Variants in ARHGAP27 observed in about 807,000 individuals in gnomAD.
ARHGAP27 encodes the protein rho GTPase-activating protein 27.
ARHGAP27 carries 53 observed loss-of-function variants against 102.0 expected under a neutral mutation model. The ratio of observed to expected loss-of-function variants is 0.52; its 90% CI spans 0.42 to 0.65. The LOEUF is 0.65. Among genes scored for constraint, ARHGAP27 ranks in the 30% least tolerant of loss-of-function variants. The probability of loss-of-function intolerance (pLI) is 0.00; values close to 1 mark genes in which losing one functional copy is unlikely to be tolerated. For missense variants in ARHGAP27, 1,117 were observed against 1,256.2 expected (o/e 0.89, Z 1.68); for synonymous variants, 525 against 542.8 (o/e 0.97, Z 0.46).
Position 45,395,421 on chromosome 17 carries a change from G to A in ARHGAP27, c.*35C>T. 1 of 1,532,326 alleles carries A rather than the reference G, an allele frequency of 6.5e-7. No homozygotes were observed. Among genetic ancestry groups the A allele is most frequent in the Non-Finnish European group, 8.8e-7 (1 of 1,135,560 alleles). The allele number at this position is 1,532,326 out of a possible 1,614,324, so 94.9% of individuals were successfully genotyped here. The stretch of plus-strand genomic sequence containing the variant: ...CCTCCGCCGCCCAGCTTGTGTGGCA[G>A]GACCGCGGCCGCCGCCCCAGTCACA... On this transcript the variant is annotated 3_prime_UTR_variant, in exon 20 of 20. Transcript: ENST00000685559.
chr17:45,396,376 G>T, intron 16 of ARHGAP27, 92 bp from the exon 17 acceptor site: 1 of 1,473,514 alleles, frequency 6.8e-7, no homozygotes. Context: ...GGGGCCTCCC[G>T]TACTTTCCCC....
chr17:45,409,824 C>A (rs1300191671), intron 4 of ARHGAP27: 1 of 173,626 alleles, frequency 5.8e-6, no homozygotes, highest in East Asian at 1.7e-4. Flanking sequence ...CATGGAGGCC[C>A]AGACAAGACC....
In ARHGAP27 at chr17:45,395,761, G is replaced by A. The variant is rs374713712; in HGVS notation, c.2475C>T (p.Leu825=). ...CGGCTCACCGGCAGAGGTGCTGGAA[G>A]AGCATCCGCAGAGTGTCGTGGTTGG... ...PAPNHDTLRM[L]FQHLCRVIEH... Residue 825 remains leucine (L), a synonymous_variant, in exon 19 of 20, where the codon CTC becomes CTT. Transcript: ENST00000685559. 1.3e-6 allele frequency: 2 copies of A among 1,599,656 alleles called. No individual in the cohort carries two copies. The highest frequency in any genetic ancestry group is 8.5e-7 in the Non-Finnish European group (1 of 1,176,184).
In ARHGAP27 at chr17:45,430,087, G is replaced by T; in HGVS notation, c.193C>A (p.Arg65Ser). ...GGGTTGCCCAGCGCGGGCAGCTCGCGCACGTACTGCGCAGGCAGGTAGAAG... is the reference window on the plus strand; with the variant it reads ...GGGTTGCCCAGCGCGGGCAGCTCGCTCACGTACTGCGCAGGCAGGTAGAAG... ...RPFYLPAQYV[R>S]ELPALGNPAA... Residue 65 changes from arginine (R) to serine (S), a missense_variant, in exon 4 of 20, where the codon CGC (arginine) becomes AGC (serine). Physicochemically the swap from Arg to Ser is moderately radical, Grantham distance 110 (BLOSUM62 -1). This residue lies in a region of ARHGAP27 where 610 missense variants were observed against 716.4 expected (regional missense o/e 0.85). Coordinates refer to ENST00000685559, the MANE Select transcript of ARHGAP27 (RefSeq NM_001282290.2). The surrounding 1 kb of genome is among the most constrained non-coding windows in gnomAD (Gnocchi z 4.4). The T allele has an allele frequency of 1.4e-6, 2 of 1,469,150 alleles. No homozygotes were observed. Among genetic ancestry groups the T allele is most frequent in the Non-Finnish European group, 1.8e-6 (2 of 1,120,616 alleles). The allele number at this position is 1,469,150 out of a possible 1,614,324, so 91.0% of individuals were successfully genotyped here.
At position 45,404,109 on chromosome 17, in the gene ARHGAP27, A is replaced by C; in HGVS notation, c.1480-13T>G. ...CCAAGGTCTTGGTCTAAGAGAGAGA[A>C]GAGAGAGCAGGCGCAAGAGTGTGTA... On this transcript the variant is annotated splice_polypyrimidine_tract_variant and intron_variant, in intron 9 of 19. Coordinates refer to ENST00000685559, the MANE Select transcript of ARHGAP27 (RefSeq NM_001282290.2). 1 of 1,613,982 alleles carries C rather than the reference A, an allele frequency of 6.2e-7. No homozygotes were observed. Among genetic ancestry groups the C allele is most frequent in the Non-Finnish European group, 8.5e-7 (1 of 1,179,916 alleles).
In ARHGAP27 at chr17:45,396,736, T is replaced by TGCCGGACCTTGC. The variant is rs1453136017; in HGVS notation, c.1994_2005dup (p.Arg668_His669insArgLysValArg). 4 of 1,613,798 alleles carry TGCCGGACCTTGC rather than the reference T, an allele frequency of 2.5e-6. No homozygotes were observed. Among genetic ancestry groups the TGCCGGACCTTGC allele is most frequent in the Non-Finnish European group, 3.4e-6 (4 of 1,179,780 alleles). ...CCTCTGGAGGAACTTGCGGAGCTTG[T>TGCCGGACCTTGC]GCCGGACCTTGCTCAAGTCGCTCTC... On this transcript the variant is annotated inframe_insertion, in exon 15 of 20. Coordinates refer to ENST00000685559, the MANE Select transcript of ARHGAP27 (RefSeq NM_001282290.2).
intron 4 of ARHGAP27, among the ~76,000 whole-genome samples, chr17:45,424,092 G>A (rs2049308804): frequency 6.6e-6 from 1 of 152,112 alleles, no homozygotes; most frequent in Admixed American, 6.5e-5. Context: ...CCTGGGCAGG[G>A]GCCCCTGCCC....
At chr17:45,404,143 G>T in intron 9 of ARHGAP27, 47 bp from the exon 10 acceptor site, 1 of 1,611,454 alleles carries the variant, frequency 6.2e-7, no homozygotes, top group South Asian at 1.1e-5. Flanking sequence ...TAGTTAAGGG[G>T]TGAGCTATGG....
At chr17:45,415,531 GT>G (rs1340702513) in intron 4 of ARHGAP27, among the ~76,000 whole-genome samples, 2 of 152,112 alleles carry the variant, frequency 1.3e-5, no homozygotes, top group Admixed American at 1.3e-4. Context: ...CGAAAACCGT[GT>G]GCCCCAAATC....
intron 4 of ARHGAP27, among the ~76,000 whole-genome samples, chr17:45,417,958 G>T (rs2048637412): frequency 6.6e-6 from 1 of 150,586 alleles, no homozygotes. Context: ...GGAAGCTGAG[G>T]CAGGAGAATG....
At chr17:45,410,914 C>T (rs573254267) in intron 4 of ARHGAP27, among the ~76,000 whole-genome samples, 10 of 152,166 alleles carry the variant, frequency 6.6e-5, no homozygotes, top group South Asian at 4.2e-4. Flanking sequence ...GTGCCAGCCC[C>T]GAGGAGGACA....
intron 4 of ARHGAP27, chr17:45,425,744 C>CT: frequency 1.6e-6 from 1 of 630,836 alleles, no homozygotes; most frequent in Non-Finnish European, 2.0e-6. Flanking sequence ...CTCCACCTGC[C>CT]TGGGCCTTCC....
In ARHGAP27 at chr17:45,394,955, A is replaced by C. The variant is rs1059504; in HGVS notation, c.*501T>G. On this transcript the variant is annotated 3_prime_UTR_variant, in exon 20 of 20. Transcript: ENST00000685559. ...GAGGAGGATAGCTTCAGCAGCCCAC[A>C]CTGAAGGCTGGGTCAGTCCTGTTTC... The C allele has an allele frequency of 6.5e-6, 1 of 154,384 alleles. No homozygotes were observed. Among genetic ancestry groups the C allele is most frequent in the Non-Finnish European group, 1.4e-5 (1 of 69,798 alleles). 9.6% of individuals were successfully genotyped at this position (154,384 alleles called of 1,614,324 possible).
At chr17:45,410,004 C>CAGGCTGCCCAGCCCCCTGGTACTG (rs2047712605) in intron 4 of ARHGAP27, 1 of 576,568 alleles carries the variant, frequency 1.7e-6, no homozygotes, top group Non-Finnish European at 3.0e-6. Context: ...AGTGGTTCAC[C>CAGGCTGCCCAGCCCCCTGGTACTG]CCTTATCTCC....
At position 45,396,968 on chromosome 17, in the gene ARHGAP27, G is replaced by A. The variant is rs1169253376; in HGVS notation, c.1899C>T (p.Ser633=). 3 of 1,605,564 alleles carry A rather than the reference G, an allele frequency of 1.9e-6. No homozygotes were observed. The highest frequency in any genetic ancestry group is 2.2e-5 in the East Asian group (1 of 44,882). ...TCTCCTGCCAGCTTCCCAAGCGCTC[G>A]CTCGACCCGAAGTCCACTCTGCTGC... is the stretch of plus-strand genomic sequence containing the variant. ...SESSRVDFGS[S]ERLGSWQEKE... Residue 633 remains serine, a synonymous_variant, in exon 14 of 20, where the codon AGC becomes AGT. Transcript: ENST00000685559.
intron 12 of ARHGAP27, 72 bp downstream of exon 12, chr17:45,402,642 G>A (rs2046580226): frequency 7.2e-7 from 1 of 1,384,336 alleles, no homozygotes; most frequent in Non-Finnish European, 1.0e-6. Context: ...TCATTTCCAG[G>A]TCAATAGTTG....
rs1365973399 is a variant in ARHGAP27, at chr17:45,429,963, G to C, written c.317C>G (p.Pro106Arg). 9 of 1,138,430 alleles carry C rather than the reference G, an allele frequency of 7.9e-6. No homozygotes were observed. Among genetic ancestry groups the C allele is most frequent in the Non-Finnish European group, 9.7e-6 (9 of 929,878 alleles). 70.5% of individuals were successfully genotyped at this position (1,138,430 alleles called of 1,614,324 possible). ...RFVSAAATAG[P>R]DGAPEESGGR... ...TCCGGACTCCTCGGGGGCGCCGTCG[G>C]GGCCCGCGGTCGCCGCCGCGCTCAC... Residue 106 changes from proline to arginine, a missense_variant, in exon 4 of 20, where the codon CCC (proline) becomes CGC (arginine). Coordinates refer to ENST00000685559, the MANE Select transcript of ARHGAP27 (RefSeq NM_001282290.2).
At chr17:45,423,378 T>C (rs111295261) in intron 4 of ARHGAP27, among the ~76,000 whole-genome samples, 163 of 152,030 alleles carry the variant, frequency 1.1e-3, no homozygotes, top group African/African-American at 3.6e-3. Context: ...GAAACTTAAA[T>C]AAACTAATTA....
At chr17:45,409,016 C>T (rs2047566206) in intron 4 of ARHGAP27, 1 of 152,266 alleles carries the variant, frequency 6.6e-6, no homozygotes, top group African/African-American at 2.4e-5. Context: ...TAACCCATGC[C>T]CAGTTTCAGC....
Sources: allele counts gnomAD v4.1 joint callset (sites outside exome capture counted in the v4.1 genomes callset), GRCh38; gene constraint gnomAD v4.1.1; regional missense constraint gnomAD v4.1.1; non-coding constraint Gnocchi (gnomAD v3.1); transcripts MANE v1.5; gene names NCBI Gene and HGNC (gene_info 2026-07-23, HGNC 2026-07-21).